Variants in TRIM54 observed in about 807,000 individuals in gnomAD.
TRIM54 encodes the protein tripartite motif-containing protein 54.
A neutral mutation model predicts 42.0 loss-of-function variants in TRIM54; 40 were observed. The observed-to-expected ratio is 0.95, with a 90% CI of 0.74 to 1.24. The LOEUF is 1.24. Among genes scored for constraint, TRIM54 ranks in the 50% most tolerant of loss-of-function variants. The pLI is 0.00. For synonymous variants in TRIM54, 199 were observed against 194.9 expected (o/e 1.02, Z -0.17); for missense variants, 485 against 480.3 (o/e 1.01, Z -0.09).
At chr2:27,301,350 G>C (rs890409019) in intron 3 of TRIM54, among the ~76,000 whole-genome samples, 1 of 152,088 alleles carries the variant, frequency 6.6e-6, no homozygotes, top group Non-Finnish European at 1.5e-5. Context: ...ATGTTGGCCA[G>C]GCTGGTCTCA....
chr2:27,285,257 T>C (rs888816578), intron 1 of TRIM54, among the ~76,000 whole-genome samples: 4 of 152,210 alleles, frequency 2.6e-5, no homozygotes, highest in Non-Finnish European at 5.9e-5. Flanking sequence ...TGAGCATATT[T>C]AGTTTTTTCG....
intron 1 of TRIM54, among the ~76,000 whole-genome samples, chr2:27,294,004 A>C (rs575100756): frequency 7.2e-4 from 110 of 152,286 alleles, no homozygotes; most frequent in Non-Finnish European, 1.3e-3. Flanking sequence ...GCCCGACGAC[A>C]GAGTGAGACT....
intron 3 of TRIM54, chr2:27,299,675 C>CCTGTCTAT (rs1678973824): frequency 6.9e-6 from 4 of 579,260 alleles, no homozygotes; most frequent in Middle Eastern, 2.7e-4. Context: ...CGCACTCAGC[C>CCTGTCTAT]CTATCTATCT....
chr2:27,301,258 G>A (rs1453291840), intron 3 of TRIM54, among the ~76,000 whole-genome samples: 1 of 150,602 alleles, frequency 6.6e-6, no homozygotes, highest in Non-Finnish European at 1.5e-5. Flanking sequence ...TCCTGCCACA[G>A]CCTCCCAAGT....
In TRIM54 at chr2:27,307,430, C is replaced by CA; in HGVS notation, c.*546dup. 6.4e-7 allele frequency: 1 copy of CA among 1,564,638 alleles called. No homozygotes were observed. ...TTCAGTACTTTTATTAAAAAATAGT[C>CA]ACGCAGACAGTGCCCTGGTGGCTCT... On this transcript the variant is annotated 3_prime_UTR_variant, in exon 9 of 9. Coordinates refer to ENST00000380075, the MANE Select transcript of TRIM54 (RefSeq NM_187841.3). This position sits in a 1 kb window ranked among gnomAD's most constrained non-coding sequence, Gnocchi z 6.9.
intron 1 of TRIM54, among the ~76,000 whole-genome samples, chr2:27,294,273 C>T (rs961854305): frequency 2.0e-5 from 3 of 151,992 alleles, no homozygotes; most frequent in Admixed American, 6.6e-5. Flanking sequence ...GGACTAAAGG[C>T]ATGAGCCATC....
At chr2:27,297,686 A>G (rs912852173) in intron 1 of TRIM54, among the ~76,000 whole-genome samples, 5 of 152,102 alleles carry the variant, frequency 3.3e-5, no homozygotes, top group Admixed American at 2.6e-4. Context: ...GCCTAAATTT[A>G]TATACTTAAG....
chr2:27,292,424 A>G (rs1223104811), intron 1 of TRIM54, among the ~76,000 whole-genome samples: 4 of 152,172 alleles, frequency 2.6e-5, no homozygotes, highest in African/African-American at 7.2e-5. Flanking sequence ...TTTTTTAAAA[A>G]TTAGCTGGGC....
rs879377948 is a variant in TRIM54 at position 27,290,646 on chromosome 2, A to AAAAT, written c.168+7763_168+7766dup. Among the ~76,000 whole-genome samples the AAAAT allele has an allele frequency of 4.6e-5, 7 of 152,166 alleles. No homozygotes were observed. The East Asian group carries it at 5.8e-4, about 13-fold the overall frequency. The stretch of plus-strand genomic sequence containing the variant: ...GGGTGACAGAGCAAGACTCCATCTA[A>AAAAT]AAATAAATAAATAAATAAAGAAGTA... On this transcript the variant is annotated intron_variant, in intron 1 of 8. Coordinates refer to ENST00000380075, the MANE Select transcript of TRIM54 (RefSeq NM_187841.3).
intron 1 of TRIM54, 102 bp downstream of exon 1, chr2:27,283,001 C>T (rs1439284749): frequency 7.6e-7 from 1 of 1,310,956 alleles, no homozygotes; most frequent in Non-Finnish European, 1.0e-6. Flanking sequence ...ATAGAGTGCT[C>T]TCTGAGGTGG....
chr2:27,286,242 G>C (rs1372622591), intron 1 of TRIM54, among the ~76,000 whole-genome samples: 1 of 149,630 alleles, frequency 6.7e-6, no homozygotes, highest in Non-Finnish European at 1.5e-5. Flanking sequence ...TTATCTTCCT[G>C]CCTCAGCCTC....
At chr2:27,292,965 A>T (rs533575479) in intron 1 of TRIM54, among the ~76,000 whole-genome samples, 1 of 151,930 alleles carries the variant, frequency 6.6e-6, no homozygotes, top group South Asian at 2.1e-4. Context: ...TTCTGTGTTG[A>T]TATTTACTTG....
Position 27,305,071 on chromosome 2 carries a change from G to T in TRIM54, c.609+17G>T. The stretch of plus-strand genomic sequence containing the variant: ...ACTATCGAGGTGAGCCTGGGCTGGA[G>T]GGAGGGAGGAACAGCAACTGGCTAG... On this transcript the variant is annotated intron_variant, in intron 4 of 8. Coordinates refer to ENST00000380075, the MANE Select transcript of TRIM54 (RefSeq NM_187841.3). 5 of 1,608,076 alleles carry T rather than the reference G, an allele frequency of 3.1e-6. No individual in the cohort carries two copies. The highest frequency in any genetic ancestry group is 3.4e-6 in the Non-Finnish European group (4 of 1,175,612).
intron 1 of TRIM54, among the ~76,000 whole-genome samples, chr2:27,288,905 T>G (rs1678646460): frequency 6.6e-6 from 1 of 152,204 alleles, no homozygotes; most frequent in East Asian, 1.9e-4. Context: ...ATGTAAGATT[T>G]AAGGAAAGAA....
rs111760262 is a variant in TRIM54 at position 27,287,941 on chromosome 2, C to T, written c.168+5042C>T. 5.4e-4 allele frequency among the ~76,000 whole-genome samples: 83 copies of T among 152,322 alleles called. 1 individual carries two copies. Among genetic ancestry groups the T allele is most frequent in the African/African-American group, 1.9e-3 (80 of 41,570 alleles). On this transcript the variant is annotated intron_variant, in intron 1 of 8. Coordinates refer to ENST00000380075, the MANE Select transcript of TRIM54 (RefSeq NM_187841.3). Reference sequence around the variant, plus strand: ...GGCTTTCCATTCTGTGACCAGTGTCCTAATTTGGCCCACTCTTCTGCTTAT... The same window carrying T: ...GGCTTTCCATTCTGTGACCAGTGTCTTAATTTGGCCCACTCTTCTGCTTAT...
intron 1 of TRIM54, 117 bp from the exon 2 acceptor site, chr2:27,298,450 G>A: frequency 4.0e-6 from 3 of 741,164 alleles, no homozygotes; most frequent in Non-Finnish European, 6.7e-6. Context: ...GAGAAGAGCT[G>A]ACATCTTCCC....
At chr2:27,300,378 G>C (rs967082750) in intron 3 of TRIM54, among the ~76,000 whole-genome samples, 1 of 151,110 alleles carries the variant, frequency 6.6e-6, no homozygotes, top group African/African-American at 2.4e-5. Flanking sequence ...TCACCATGTT[G>C]GCCAGGCTGG....
chr2:27,283,041 G>T, intron 1 of TRIM54, 142 bp downstream of exon 1: 1 of 952,180 alleles, frequency 1.1e-6, no homozygotes. Context: ...GAGAGCAGAA[G>T]GGCTGGGGTC....
chr2:27,301,633 G>A (rs982612085), intron 3 of TRIM54, among the ~76,000 whole-genome samples: 8 of 152,112 alleles, frequency 5.3e-5, no homozygotes, highest in Non-Finnish European at 8.8e-5. Flanking sequence ...GGTTTTGGTG[G>A]GTTTTGGCCG....
Sources: allele counts gnomAD v4.1 joint callset (sites outside exome capture counted in the v4.1 genomes callset), GRCh38; gene constraint gnomAD v4.1.1; non-coding constraint Gnocchi (gnomAD v3.1); transcripts MANE v1.5; gene names NCBI Gene and HGNC (gene_info 2026-07-23, HGNC 2026-07-21).